KCNK2: variants seen among roughly 807,000 people sequenced by gnomAD.
The protein encoded by KCNK2 is potassium channel subfamily K member 2.
KCNK2 carries 21 observed loss-of-function variants against 40.5 expected under a neutral mutation model. The ratio of observed to expected loss-of-function variants is 0.52; its 90% confidence interval spans 0.37 to 0.75. The LOEUF (loss-of-function observed/expected upper bound fraction) is 0.75, where lower values mean the gene tolerates loss of function less well. Ranked by LOEUF, KCNK2 falls within the 30% of genes least tolerant of loss-of-function variation. The pLI is 0.00. For missense variants in KCNK2, 399 were observed against 531.6 expected (o/e 0.75, Z 2.45); for synonymous variants, 191 against 202.2 (o/e 0.94, Z 0.47).
chr1:215,165,954 A>G (rs1262297091), intron 3 of KCNK2, among the ~76,000 whole-genome samples: 3 of 152,150 alleles, frequency 2.0e-5, no homozygotes, highest in Non-Finnish European at 2.9e-5. Context: ...CTCTTGACTG[A>G]TATCTTTCAA....
chr1:215,129,543 T>C (rs1216220071), intron 3 of KCNK2, among the ~76,000 whole-genome samples: 1 of 152,154 alleles, frequency 6.6e-6, no homozygotes, highest in Non-Finnish European at 1.5e-5. Context: ...AGGTGACATT[T>C]AAGCTGAACC....
chr1:215,047,232 A>G (rs887759712), intron 1 of KCNK2, among the ~76,000 whole-genome samples: 4 of 152,120 alleles, frequency 2.6e-5, no homozygotes, highest in Admixed American at 1.3e-4. Context: ...GTTTTGGACA[A>G]TACTAATAAA....
At chr1:215,056,291 A>G (rs1658157249) in intron 1 of KCNK2, among the ~76,000 whole-genome samples, 1 of 129,660 alleles carries the variant, frequency 7.7e-6, no homozygotes, top group African/African-American at 2.9e-5. Context: ...CTGGGCAACA[A>G]GAGTGAAACT....
In KCNK2 at chr1:215,209,460, T is replaced by TAA. The variant is rs1665507847; in HGVS notation, c.963+14368_963+14369insAA. On this transcript the variant is annotated intron_variant, in intron 6 of 6. Coordinates refer to ENST00000444842, the MANE Select transcript of KCNK2 (RefSeq NM_001017425.3). ...TAAAATATATAATATATATTATATA[T>TAA]TATATATAATATATATTATATATAA... Among the ~76,000 whole-genome samples the TAA allele has an allele frequency of 9.3e-4, 4 of 4,280 alleles. 1 individual carries two copies. The highest frequency in any genetic ancestry group is 0.024 in the South Asian group (1 of 42). The allele number at this position is 4,280 out of a possible 152,430, so 2.8% of individuals were successfully genotyped here.
At chr1:215,189,084 G>T (rs1425459314) in intron 5 of KCNK2, among the ~76,000 whole-genome samples, 1 of 152,040 alleles carries the variant, frequency 6.6e-6, no homozygotes, top group South Asian at 2.1e-4. Context: ...TCTGTAGAGG[G>T]TTTAGTCACT....
chr1:215,208,329 A>G (rs1200527195), intron 6 of KCNK2, among the ~76,000 whole-genome samples: 2 of 152,130 alleles, frequency 1.3e-5, no homozygotes, highest in Middle Eastern at 3.2e-3. Flanking sequence ...ACACGAAGGA[A>G]ACAACAGACA....
chr1:215,016,744 A>C (rs936051078), intron 1 of KCNK2, among the ~76,000 whole-genome samples: 1 of 152,176 alleles, frequency 6.6e-6, no homozygotes, highest in African/African-American at 2.4e-5. Context: ...AAAAACAGAC[A>C]AATGGAATTA....
chr1:215,014,200 G>A (rs571392611), intron 1 of KCNK2, among the ~76,000 whole-genome samples: 1 of 152,078 alleles, frequency 6.6e-6, no homozygotes, highest in South Asian at 2.1e-4. Flanking sequence ...TGTTAGCATG[G>A]TGAATGATAT....
upstream of KCNK2, among the ~76,000 whole-genome samples, chr1:215,080,339 G>A (rs77343526): frequency 6.0e-3 from 916 of 152,030 alleles, 5 homozygotes; most frequent in Non-Finnish European, 9.0e-3. Context: ...ATCGAATTGC[G>A]AACAAAATGG....
chr1:215,228,676 T>C (rs1666495040), intron 6 of KCNK2, among the ~76,000 whole-genome samples: 1 of 152,164 alleles, frequency 6.6e-6, no homozygotes, highest in African/African-American at 2.4e-5. Context: ...TTTGATTAAG[T>C]TGCTGAAATA....
rs548268507 is a variant in KCNK2 at position 215,022,533 on chromosome 1, C to A, written c.34+16578C>A. Among the ~76,000 whole-genome samples, 8 of 152,212 alleles carry A rather than the reference C, an allele frequency of 5.3e-5. No individual in the cohort carries two copies. In the East Asian group the frequency reaches 1.5e-3, roughly 29 times the overall value. The stretch of plus-strand genomic sequence containing the variant: ...CAAATTTGTCTCAGCCTTTTTTTGG[C>A]TGAATACCTTATGGAACCATTACTA... On this transcript the variant is annotated intron_variant, in intron 1 of 6. Transcript: ENST00000391895.
Position 215,082,959 on chromosome 1 carries a change from G to T in KCNK2, c.-427G>T, listed in dbSNP as rs976432411. On this transcript the variant is annotated 5_prime_UTR_variant, in exon 1 of 7. Coordinates refer to ENST00000444842, the MANE Select transcript of KCNK2 (RefSeq NM_001017425.3). ...GCTGCACCCACCGCCCCCGCGCCGC[G>T]CCGTGCCGGGGCCGGGCCAGCGAGC... Among the ~76,000 whole-genome samples, 12 of 148,422 alleles carry T rather than the reference G, an allele frequency of 8.1e-5. No homozygotes were observed. Among genetic ancestry groups the T allele is most frequent in the Admixed American group, 8.0e-4 (12 of 14,912 alleles).
Position 215,083,003 on chromosome 1 carries a change from T to TGGCGGCGGCGGC in KCNK2, c.-365_-354dup, listed in dbSNP as rs902723623. 3 of 152,392 alleles carry TGGCGGCGGCGGC rather than the reference T, an allele frequency of 2.0e-5. No individual in the cohort carries two copies. Among genetic ancestry groups the TGGCGGCGGCGGC allele is most frequent in the African/African-American group, 4.9e-5 (2 of 40,480 alleles). 9.4% of individuals were successfully genotyped at this position (152,392 alleles called of 1,614,324 possible). On this transcript the variant is annotated 5_prime_UTR_variant, in exon 1 of 7. Transcript: ENST00000444842. ...AGCGAGCAGCCCGGGGCTGAGCGCG[T>TGGCGGCGGCGGC]GGCGGCGGCGGCGGCGGCGGCGGCG...
chr1:215,196,411 C>T (rs1387831339), intron 6 of KCNK2, among the ~76,000 whole-genome samples: 1 of 152,056 alleles, frequency 6.6e-6, no homozygotes, highest in Non-Finnish European at 1.5e-5. Context: ...TTTATTCATA[C>T]CCAAGGTGCC....
At chr1:215,005,742 A>G (rs530888335), upstream of KCNK2, 38 of 574,432 alleles carry the variant, frequency 6.6e-5, no homozygotes, top group South Asian at 8.1e-4. Context: ...GTTCGTTTTG[A>G]GTGTTTTTGT....
chr1:215,120,390 A>G (rs1423306539), intron 2 of KCNK2, among the ~76,000 whole-genome samples: 8 of 152,136 alleles, frequency 5.3e-5, no homozygotes, highest in African/African-American at 2.4e-5. Flanking sequence ...CTTCTTTTCT[A>G]TTGCTTCCCC....
Position 215,083,367 on chromosome 1 carries a change from T to C in KCNK2, c.-19T>C, listed in dbSNP as rs368043036. On this transcript the variant is annotated 5_prime_UTR_variant, in exon 1 of 7. Transcript: ENST00000444842. Reference sequence around the variant, plus strand: ...CAAGTCCGTCTTTTTCAAAAAACATTTTGAATGCTGCATGCCTCATGCTTC... The same window carrying C: ...CAAGTCCGTCTTTTTCAAAAAACATCTTGAATGCTGCATGCCTCATGCTTC... 4.3e-6 allele frequency: 7 copies of C among 1,614,068 alleles called. No individual in the cohort carries two copies. In the African/African-American group the frequency reaches 9.3e-5, roughly 22 times the overall value.
chr1:215,111,675 C>T (rs186188447), intron 2 of KCNK2, among the ~76,000 whole-genome samples: 5 of 151,930 alleles, frequency 3.3e-5, no homozygotes, highest in Non-Finnish European at 7.4e-5. Flanking sequence ...GCTTGTTGAA[C>T]GTCTTTATGA....
rs1571911034 is a variant in KCNK2, at chr1:215,103,546, C to T, written c.357+16868C>T. ...CTGGTTAACGAGTTCCAAAGCTTCA[C>T]ATCAGTTTTAATTTCTGGGAGATGT... On this transcript the variant is annotated intron_variant, in intron 2 of 6. Coordinates refer to ENST00000444842, the MANE Select transcript of KCNK2 (RefSeq NM_001017425.3). Among the ~76,000 whole-genome samples the T allele has an allele frequency of 2.0e-5, 3 of 152,066 alleles. No homozygotes were observed. In the East Asian group the frequency reaches 5.8e-4, roughly 29 times the overall value.
Sources: gnomAD v4.1 joint callset for allele counts (sites outside exome capture counted in the v4.1 genomes callset) on GRCh38, gnomAD v4.1.1 for gene constraint, MANE v1.5 for transcripts, NCBI Gene and HGNC (gene_info 2026-07-23, HGNC 2026-07-21) for gene names.